Variants in KIAA0319 observed in about 807,000 individuals in gnomAD.
KIAA0319 encodes the protein dyslexia-associated protein KIAA0319.
In KIAA0319, 83 loss-of-function variants were observed where a neutral mutation model predicts 108.4. The observed-to-expected ratio is 0.77, with a 90% CI of 0.64 to 0.92. KIAA0319 has a LOEUF of 0.92. Among genes scored for constraint, KIAA0319 ranks in the 40% least tolerant of loss-of-function variants. KIAA0319 has a pLI of 0.00. For synonymous variants in KIAA0319, 484 were observed against 510.4 expected (o/e 0.95, Z 0.70); for missense variants, 1,195 against 1,322.4 (o/e 0.90, Z 1.49).
intron 13 of KIAA0319, among the ~76,000 whole-genome samples, chr6:24,567,698 G>C (rs538430476): frequency 2.0e-5 from 3 of 152,026 alleles, no homozygotes; most frequent in Non-Finnish European, 4.4e-5. Context: ...GAGACCCTGG[G>C]TCTATTTTAA....
At position 24,566,652 on chromosome 6, in the gene KIAA0319, T is replaced by A; in HGVS notation, c.2237A>T (p.Asp746Val). 1 of 1,613,082 alleles carries A rather than the reference T, an allele frequency of 6.2e-7. No homozygotes were observed. Among genetic ancestry groups the A allele is most frequent in the Admixed American group, 1.7e-5 (1 of 59,864 alleles). Residue 746 changes from aspartate (D) to valine (V), a missense_variant, in exon 14 of 21, where the codon GAC becomes GTC. By Grantham distance (152) the Asp-to-Val change is radical. Coordinates refer to ENST00000378214, the MANE Select transcript of KIAA0319 (RefSeq NM_014809.4). ...ITLDGSRSTDDQRIVSYLWIR... is the reference protein window; with the variant it reads ...ITLDGSRSTDVQRIVSYLWIR... ...CCACAGATAGGACACAATTCTTTGG[T>A]CATCAGTAGACCTTGAACCATCCAA... is the stretch of plus-strand genomic sequence containing the variant.
At chr6:24,567,484 T>C (rs1391428716) in intron 13 of KIAA0319, among the ~76,000 whole-genome samples, 1 of 152,110 alleles carries the variant, frequency 6.6e-6, no homozygotes, top group Admixed American at 6.5e-5. Flanking sequence ...GGATGAGTGC[T>C]TGAAGCCAGA....
rs1770194464 is a variant in KIAA0319 at position 24,599,032 on chromosome 6, T to G, written c.55+2017A>C. 1 of 730,624 alleles carries G rather than the reference T, an allele frequency of 1.4e-6. No homozygotes were observed. Among genetic ancestry groups the G allele is most frequent in the Non-Finnish European group, 2.5e-6 (1 of 406,022 alleles). The allele number at this position is 730,624 out of a possible 1,614,324, so 45.3% of individuals were successfully genotyped here. A position where few individuals can be genotyped will look rare whatever the true frequency, so the allele number is the denominator to read the frequency against. On this transcript the variant is annotated intron_variant, in intron 2 of 20. Transcript: ENST00000378214. The surrounding 1 kb of genome is among the most constrained non-coding windows in gnomAD (Gnocchi z 4.1). ...AACGAGATCAACTTCCTCAGGCAGC[T>G]GTATGAAGAGGAGATCCAGGAGCTG...
At position 24,612,237 on chromosome 6, in the gene KIAA0319, A is replaced by T. The variant is rs376191136; in HGVS notation, c.-105-11029T>A. Among the ~76,000 whole-genome samples, 7 of 152,266 alleles carry T rather than the reference A, an allele frequency of 4.6e-5. No individual in the cohort carries two copies. In the East Asian group the frequency reaches 9.7e-4, roughly 21 times the overall value. On this transcript the variant is annotated intron_variant, in intron 1 of 20. Coordinates refer to ENST00000378214, the MANE Select transcript of KIAA0319 (RefSeq NM_014809.4). ...GAGGCCCAGGCGGGAGGATCACTTG[A>T]GTCCAGGAGTTCGAGGCAGGCCTGG...
intron 1 of KIAA0319, among the ~76,000 whole-genome samples, chr6:24,618,082 C>T (rs1001042934): frequency 3.9e-5 from 6 of 152,232 alleles, no homozygotes; most frequent in Admixed American, 1.3e-4. Flanking sequence ...CCACTGGGCT[C>T]TGTATGCAGA....
intron 1 of KIAA0319, among the ~76,000 whole-genome samples, chr6:24,631,400 T>C (rs142013595): frequency 1.3e-5 from 2 of 152,314 alleles, no homozygotes; most frequent in Non-Finnish European, 2.9e-5. Context: ...AAGAGAACAA[T>C]TGAAAGGAGC....
chr6:24,552,922 AAAAATCACACCTTTGGAG>A (rs1761712809), intron 19 of KIAA0319, among the ~76,000 whole-genome samples: 1 of 152,124 alleles, frequency 6.6e-6, no homozygotes, highest in Non-Finnish European at 1.5e-5. Context: ...TACGTTTTTT[AAAAATCACACCTTTGGAG>A]AGCAGTTACA....
intron 1 of KIAA0319, among the ~76,000 whole-genome samples, chr6:24,613,045 C>T (rs978657056): frequency 2.6e-5 from 4 of 152,130 alleles, no homozygotes; most frequent in South Asian, 2.1e-4. Flanking sequence ...GTGATCCGCC[C>T]GCCTCGGCTG....
rs549484717 is a variant in KIAA0319, at chr6:24,556,506, T to C, written c.2857+101A>G. 2.0e-4 allele frequency: 269 copies of C among 1,318,410 alleles called. 1 individual carries two copies. The Middle Eastern group carries it at 3.8e-3, about 19-fold the overall frequency. The allele number at this position is 1,318,410 out of a possible 1,614,324, so 81.7% of individuals were successfully genotyped here. A position where few individuals can be genotyped will look rare whatever the true frequency, so the allele number is the denominator to read the frequency against. On this transcript the variant is annotated intron_variant, in intron 18 of 20. Coordinates refer to ENST00000378214, the MANE Select transcript of KIAA0319 (RefSeq NM_014809.4). ...TTTGTAAAGGTGAAGTCTCACTATG[T>C]TGCCCAGGTTGGCCTCGAATATTAG... is the stretch of plus-strand genomic sequence containing the variant.
Position 24,588,700 on chromosome 6 carries a change from G to A in KIAA0319, c.887C>T (p.Thr296Ile), listed in dbSNP as rs1436170769. The A allele has an allele frequency of 5.0e-6, 8 of 1,613,902 alleles. No homozygotes were observed. Among genetic ancestry groups the A allele is most frequent in the Non-Finnish European group, 6.8e-6 (8 of 1,180,002 alleles). ...TVEKSPVLTV[T>I]PGSTEHSIPT... ...GATGCTGTGCTCTGTACTCCCCGGG[G>A]TGACTGTGAGCACTGGGCTTTTCTC... Residue 296 changes from threonine (T) to isoleucine (I), a missense_variant, in exon 4 of 21, where the codon ACC (threonine) becomes ATC (isoleucine). Transcript: ENST00000378214.
At chr6:24,617,266 T>C (rs1484324741) in intron 1 of KIAA0319, among the ~76,000 whole-genome samples, 4 of 152,042 alleles carry the variant, frequency 2.6e-5, no homozygotes, top group Non-Finnish European at 4.4e-5. Context: ...ATTTAAGTGA[T>C]CTAGTAGCAG....
At chr6:24,553,832 T>C (rs1761925467) in intron 19 of KIAA0319, among the ~76,000 whole-genome samples, 1 of 152,060 alleles carries the variant, frequency 6.6e-6, no homozygotes, top group Non-Finnish European at 1.5e-5. Flanking sequence ...TCCTGGAGAG[T>C]AGCATGCCCA....
Position 24,601,164 on chromosome 6 carries a change from A to G in KIAA0319, c.-61T>C. 6.3e-7 allele frequency: 1 copy of G among 1,593,286 alleles called. No homozygotes were observed. Among genetic ancestry groups the G allele is most frequent in the Non-Finnish European group, 8.5e-7 (1 of 1,170,092 alleles). ...GGCGGCCCTGAAGAGAGTTTGGTGC[A>G]AGCTTCCTTTGATGTTTTTTAGGAG... On this transcript the variant is annotated 5_prime_UTR_variant, in exon 2 of 21. Transcript: ENST00000378214.
At chr6:24,611,955 G>T (rs1192956273) in intron 1 of KIAA0319, among the ~76,000 whole-genome samples, 2 of 151,910 alleles carry the variant, frequency 1.3e-5, no homozygotes, top group Non-Finnish European at 2.9e-5. Flanking sequence ...GAAGGCTGAG[G>T]CAAGAGGATC....
chr6:24,629,836 G>A (rs1775282335), intron 1 of KIAA0319, among the ~76,000 whole-genome samples: 1 of 152,104 alleles, frequency 6.6e-6, no homozygotes, highest in Admixed American at 6.5e-5. Context: ...CTCTCTGCCT[G>A]GGCTCTAGCA....
chr6:24,593,386 C>CTTTTTTTTTTT (rs58826962), intron 3 of KIAA0319, among the ~76,000 whole-genome samples: 1 of 79,360 alleles, frequency 1.3e-5, no homozygotes, highest in Admixed American at 1.5e-4. Context: ...GAATAATTAT[C>CTTTTTTTTTTT]TTTTTTTTTT....
intron 3 of KIAA0319, among the ~76,000 whole-genome samples, chr6:24,595,546 CAAAAAAA>C (rs60291863): frequency 6.9e-5 from 3 of 43,276 alleles, no homozygotes; most frequent in Non-Finnish European, 1.4e-4. Context: ...GATTCAATCT[CAAAAAAA>C]AAAAAAAAAA....
At chr6:24,576,620 A>T (rs772424670) in intron 9 of KIAA0319, 24 bp from the exon 10 acceptor site, 1 of 1,590,004 alleles carries the variant, frequency 6.3e-7, no homozygotes, top group South Asian at 1.1e-5. Flanking sequence ...AAGAAGCCGT[A>T]GTTGGAAGAA....
At chr6:24,540,896 A>C (rs1200506455), downstream of KIAA0319, among the ~76,000 whole-genome samples, 1 of 152,178 alleles carries the variant, frequency 6.6e-6, no homozygotes, top group Non-Finnish European at 1.5e-5. Flanking sequence ...CAAAACTGTT[A>C]ATCCAGGCCT....
Sources: gnomAD v4.1 joint callset for allele counts (sites outside exome capture counted in the v4.1 genomes callset) on GRCh38, gnomAD v4.1.1 for gene constraint, Gnocchi (gnomAD v3.1) non-coding constraint, MANE v1.5 for transcripts, NCBI Gene and HGNC (gene_info 2026-07-23, HGNC 2026-07-21) for gene names.